ARFGEF1: variants seen among roughly 807,000 people sequenced by gnomAD.
ARFGEF1 encodes ARF guanine nucleotide exchange factor 1.
A neutral mutation model predicts 231.0 loss-of-function variants in ARFGEF1; 42 were observed. The ratio of observed to expected loss-of-function variants is 0.18; its 90% CI spans 0.14 to 0.24. The LOEUF is 0.24. Among genes scored for constraint, ARFGEF1 ranks in the 10% least tolerant of loss-of-function variants. The probability of loss-of-function intolerance (pLI) is 1.00; values close to 1 mark genes in which losing one functional copy is unlikely to be tolerated. For synonymous variants in ARFGEF1, 710 were observed against 732.3 expected, an observed-to-expected ratio of 0.97 and a Z score of 0.49; for missense variants, 1,345 against 2,192.0, an observed-to-expected ratio of 0.61 and a Z score of 7.72.
At chr8:67,190,913 G>C (rs1836044352) in intron 5 of ARFGEF1, among the ~76,000 whole-genome samples, 1 of 152,084 alleles carries the variant, frequency 6.6e-6, no homozygotes, top group Non-Finnish European at 1.5e-5. Flanking sequence ...GATGACCTTG[G>C]GTAGCTATTG....
chr8:67,343,107 G>GC lies in ARFGEF1; in HGVS notation c.124+56dup, dbSNP rs903274497. 149 of 426,132 alleles carry GC rather than the reference G, an allele frequency of 3.5e-4. 1 individual carries two copies. Among genetic ancestry groups the GC allele is most frequent in the African/African-American group, 2.8e-3 (125 of 44,480 alleles). 26.4% of individuals were successfully genotyped at this position (426,132 alleles called of 1,614,324 possible). ...CGGGCGACCCCACCCCCCCACAGGC[G>GC]CCCCCCTCCCCGCCCCACAACAAGC... On this transcript the variant is annotated intron_variant, in intron 1 of 38. Transcript: ENST00000262215.
intron 4 of ARFGEF1, 25 bp downstream of exon 4, chr8:67,299,184 C>T (rs1469975379): frequency 2.7e-6 from 4 of 1,501,952 alleles, no homozygotes; most frequent in East Asian, 2.5e-5. Context: ...TTATTAATAA[C>T]AATTTTACTT....
At chr8:67,175,279 C>A, downstream of ARFGEF1, 2 of 1,587,208 alleles carry the variant, frequency 1.3e-6, no homozygotes, top group East Asian at 4.5e-5. Context: ...AGTTATATAA[C>A]ATATTTTTTA....
At chr8:67,204,973 G>C in intron 34 of ARFGEF1, 154 bp from the exon 35 acceptor site, 1 of 859,236 alleles carries the variant, frequency 1.2e-6, no homozygotes, top group African/African-American at 1.7e-5. Flanking sequence ...GCACTACTCA[G>C]TAAAAGTTTA....
chr8:67,252,358 G>A (rs1563865595), intron 18 of ARFGEF1, among the ~76,000 whole-genome samples: 3 of 149,344 alleles, frequency 2.0e-5, no homozygotes, highest in Admixed American at 6.6e-5. Flanking sequence ...CTGCTCCTGA[G>A]TTAACAAGAA....
intron 29 of ARFGEF1, among the ~76,000 whole-genome samples, chr8:67,223,327 C>G (rs1839265180): frequency 6.6e-6 from 1 of 152,086 alleles, no homozygotes; most frequent in South Asian, 2.1e-4. Flanking sequence ...CCGCCTCAGC[C>G]TCATGAGCAG....
intron 22 of ARFGEF1, among the ~76,000 whole-genome samples, chr8:67,235,526 C>T (rs770357258): frequency 6.6e-6 from 1 of 152,124 alleles, no homozygotes; most frequent in Non-Finnish European, 1.5e-5. Context: ...GTTAAGGTAT[C>T]TCTTGAAAGA....
chr8:67,271,215 AAAAAAAGTAC>A (rs1805085251), intron 10 of ARFGEF1, among the ~76,000 whole-genome samples: 1 of 152,054 alleles, frequency 6.6e-6, no homozygotes, highest in Admixed American at 6.6e-5. Flanking sequence ...TATACATTAA[AAAAAAAGTAC>A]AAAGCAAATA....
At chr8:67,316,581 C>T (rs936299673) in intron 1 of ARFGEF1, among the ~76,000 whole-genome samples, 2 of 152,236 alleles carry the variant, frequency 1.3e-5, no homozygotes, top group African/African-American at 4.8e-5. Context: ...CCACCTCAGC[C>T]TCCCAAGTAG....
chr8:67,238,473 C>A lies in ARFGEF1; in HGVS notation c.3159G>T (p.Gln1053His), dbSNP rs1839834996. The A allele has an allele frequency of 6.2e-7, 1 of 1,600,012 alleles. No homozygotes were observed. The highest frequency in any genetic ancestry group is 1.8e-5 in the Admixed American group (1 of 55,408). The stretch of plus-strand genomic sequence containing the variant: ...TTCCTATAAGCTGTGCCAGCTCCAA[C>A]TGACTGATGCACTTCAGAATCTTAA... Reference protein sequence around the residue: ...SWHEILKCISQLELAQLIGTG... With the variant: ...SWHEILKCISHLELAQLIGTG... Residue 1053 changes from glutamine to histidine, a missense_variant, in exon 22 of 39, where the codon CAG becomes CAT. This residue lies in a region of ARFGEF1 where 146 missense variants were observed against 321.4 expected (regional missense o/e 0.45). Transcript: ENST00000262215.
chr8:67,242,335 A>G (rs1334783497), intron 19 of ARFGEF1, among the ~76,000 whole-genome samples: 1 of 152,228 alleles, frequency 6.6e-6, no homozygotes. Context: ...GGGAAGAATA[A>G]AGAGGACTTT....
chr8:67,273,320 G>T (rs969300061), intron 9 of ARFGEF1, among the ~76,000 whole-genome samples: 1 of 141,968 alleles, frequency 7.0e-6, no homozygotes, highest in Non-Finnish European at 1.5e-5. Context: ...CATTGAAACT[G>T]ATCTCTTAAG....
At chr8:67,280,341 G>A (rs1805483934) in intron 7 of ARFGEF1, among the ~76,000 whole-genome samples, 1 of 152,212 alleles carries the variant, frequency 6.6e-6, no homozygotes, top group Non-Finnish European at 1.5e-5. Flanking sequence ...GCTAATTAAA[G>A]TAGATTATTT....
At chr8:67,216,986 A>T (rs1838958239) in intron 32 of ARFGEF1, among the ~76,000 whole-genome samples, 1 of 151,740 alleles carries the variant, frequency 6.6e-6, no homozygotes, top group Admixed American at 6.6e-5. Flanking sequence ...TTTCCAAAGT[A>T]AGAGGCTTCT....
At chr8:67,184,217 A>G (rs2358043) in intron 5 of ARFGEF1, among the ~76,000 whole-genome samples, 13,110 of 152,314 alleles carry the variant, frequency 0.086, 764 homozygotes, top group Non-Finnish European at 0.12. Context: ...TGAAGAAAGT[A>G]GAAAGATCTA....
At chr8:67,303,206 A>G (rs574583167) in intron 1 of ARFGEF1, among the ~76,000 whole-genome samples, 1 of 152,320 alleles carries the variant, frequency 6.6e-6, no homozygotes, top group South Asian at 2.1e-4. Flanking sequence ...TCAATGCACC[A>G]ACCTTGTGAT....
At chr8:67,195,249 A>G (rs889410058), downstream of ARFGEF1, 6 of 724,834 alleles carry the variant, frequency 8.3e-6, no homozygotes, top group African/African-American at 3.5e-5. Flanking sequence ...CAAAACAAAC[A>G]AACAGTAGAG....
chr8:67,181,682 A>G (rs1285676685), intron 5 of ARFGEF1, among the ~76,000 whole-genome samples: 1 of 152,230 alleles, frequency 6.6e-6, no homozygotes, highest in Non-Finnish European at 1.5e-5. Context: ...TGTAAAATAC[A>G]CATAAACATA....
intron 1 of ARFGEF1, among the ~76,000 whole-genome samples, chr8:67,316,347 A>G (rs564228619): frequency 6.6e-6 from 1 of 152,218 alleles, no homozygotes; most frequent in South Asian, 2.1e-4. Flanking sequence ...CACGTTTATA[A>G]AAGAATTTAT....
Sources: allele counts gnomAD v4.1 joint callset (sites outside exome capture counted in the v4.1 genomes callset), GRCh38; gene constraint gnomAD v4.1.1; regional missense constraint gnomAD v4.1.1; transcripts MANE v1.5; gene names NCBI Gene and HGNC (gene_info 2026-07-23, HGNC 2026-07-21).